CMTM4: variants seen among roughly 807,000 people sequenced by gnomAD.
CMTM4 encodes CKLF like MARVEL transmembrane domain containing 4, also known as CKLF-like MARVEL transmembrane domain-containing protein 4.
CMTM4 carries 8 observed loss-of-function variants against 19.0 expected under a neutral mutation model. That is an observed-to-expected ratio of 0.42 (90% CI 0.25 to 0.76). CMTM4 has a LOEUF of 0.76. Ranked by LOEUF, CMTM4 falls within the 30% of genes least tolerant of loss-of-function variation. The pLI is 0.27. For synonymous variants in CMTM4, 106 were observed against 121.1 expected, an observed-to-expected ratio of 0.88 and a Z score of 0.82; for missense variants, 228 against 290.2, an observed-to-expected ratio of 0.79 and a Z score of 1.56.
At chr16:66,680,056 A>T (rs182063318) in intron 1 of CMTM4, among the ~76,000 whole-genome samples, 2 of 152,336 alleles carry the variant, frequency 1.3e-5, no homozygotes, top group Admixed American at 6.5e-5. Context: ...ACGTTAAATG[A>T]GGTAACACAA....
downstream of CMTM4, chr16:66,610,035 C>T (rs201478383): frequency 1.1e-4 from 182 of 1,610,040 alleles, no homozygotes; most frequent in Non-Finnish European, 1.5e-4. This position sits in a 1 kb window ranked among gnomAD's most constrained non-coding sequence, Gnocchi z 4.6. Context: ...CCCAGCAGTG[C>T]TGCAACAGGG....
chr16:66,623,319 G>A, intron 3 of CMTM4, 85 bp downstream of exon 3: 1 of 909,680 alleles, frequency 1.1e-6, no homozygotes, highest in Non-Finnish European at 1.7e-6. Context: ...CCACAGGAGG[G>A]GGAGCAGGAC....
rs918183664 is a variant in CMTM4 at position 66,669,014 on chromosome 16, T to C, written c.186+27326A>G. 2.6e-5 allele frequency among the ~76,000 whole-genome samples: 4 copies of C among 152,062 alleles called. No individual in the cohort carries two copies. In the South Asian group the frequency reaches 8.3e-4, roughly 32 times the overall value. On this transcript the variant is annotated intron_variant, in intron 1 of 3. Coordinates refer to ENST00000394106, the MANE Select transcript of CMTM4 (RefSeq NM_181521.3). The stretch of plus-strand genomic sequence containing the variant: ...AACCCCAGTGAGATAAAAACCTACA[T>C]TCACAGAAAAAAATGGTATGAATAT...
At chr16:66,605,812 C>G in the CMTM4 span, among the ~76,000 whole-genome samples, 1 of 152,178 alleles carries the variant, frequency 6.6e-6, no homozygotes, top group Non-Finnish European at 1.5e-5. The surrounding 1 kb of genome is among the most constrained non-coding windows in gnomAD (Gnocchi z 4.6). Context: ...AAGGGGGATT[C>G]TGCTCCGGGA....
chr16:66,652,939 C>A (rs895118399), intron 1 of CMTM4, among the ~76,000 whole-genome samples: 1 of 152,116 alleles, frequency 6.6e-6, no homozygotes, highest in Non-Finnish European at 1.5e-5. Context: ...AGTAATGGAG[C>A]AAAAACAAAG....
chr16:66,618,485 G>A lies in CMTM4; in HGVS notation c.*3573C>T. On this transcript the variant is annotated 3_prime_UTR_variant, in exon 4 of 4. Coordinates refer to ENST00000394106, the MANE Select transcript of CMTM4 (RefSeq NM_181521.3). The stretch of plus-strand genomic sequence containing the variant: ...ACCCACAGAAAATCTGGCACAGAAA[G>A]GGATTAGACCTCAGTCCACCTCTCA... 1.0e-6 allele frequency: 1 copy of A among 985,482 alleles called. No individual in the cohort carries two copies. Among genetic ancestry groups the A allele is most frequent in the Non-Finnish European group, 1.2e-6 (1 of 829,958 alleles). The allele number at this position is 985,482 out of a possible 1,614,324, so 61.0% of individuals were successfully genotyped here. A position where few individuals can be genotyped will look rare whatever the true frequency, so the allele number is the denominator to read the frequency against.
Position 66,618,241 on chromosome 16 carries a change from G to T in CMTM4, c.*3817C>A. ...GAATCCACCAGCAGCTCTTGGCCTAGAAACTTTTTCCCCTTTCTGATACCT... is the reference window on the plus strand; with the variant it reads ...GAATCCACCAGCAGCTCTTGGCCTATAAACTTTTTCCCCTTTCTGATACCT... On this transcript the variant is annotated 3_prime_UTR_variant, in exon 4 of 4. Transcript: ENST00000394106. 4.1e-6 allele frequency: 4 copies of T among 985,442 alleles called. No individual in the cohort carries two copies. Among genetic ancestry groups the T allele is most frequent in the Non-Finnish European group, 4.8e-6 (4 of 829,938 alleles). The allele number at this position is 985,442 out of a possible 1,614,324, so 61.0% of individuals were successfully genotyped here. A position where few individuals can be genotyped will look rare whatever the true frequency, so the allele number is the denominator to read the frequency against.
chr16:66,613,024 G>A, downstream of CMTM4: 1 of 702,840 alleles, frequency 1.4e-6, no homozygotes, highest in Non-Finnish European at 2.6e-6. Flanking sequence ...TCACTAACAG[G>A]AACAAAGACA....
intron 2 of CMTM4, among the ~76,000 whole-genome samples, chr16:66,625,021 C>A (rs2015708385): frequency 6.6e-6 from 1 of 152,176 alleles, no homozygotes; most frequent in Admixed American, 6.5e-5. Context: ...AATATACTTC[C>A]CAAAGCAAAG....
Position 66,669,280 on chromosome 16 carries a change from A to G in CMTM4, c.186+27060T>C, listed in dbSNP as rs149379411. Among the ~76,000 whole-genome samples the G allele has an allele frequency of 1.7e-3, 254 of 152,276 alleles. 1 individual carries two copies. Among genetic ancestry groups the G allele is most frequent in the African/African-American group, 5.7e-3 (237 of 41,564 alleles). The stretch of plus-strand genomic sequence containing the variant: ...GACATTCTGGAAATGACAAAACTAT[A>G]CTGATGAGAAACAGATGAGGTTGCC... On this transcript the variant is annotated intron_variant, in intron 1 of 3. Transcript: ENST00000394106.
At chr16:66,648,967 G>C (rs1334243925) in intron 1 of CMTM4, among the ~76,000 whole-genome samples, 1 of 151,968 alleles carries the variant, frequency 6.6e-6, no homozygotes, top group East Asian at 1.9e-4. Flanking sequence ...GCGAGACTCT[G>C]TCAAAAAAAG....
At chr16:66,691,022 C>G (rs2017125057) in intron 1 of CMTM4, among the ~76,000 whole-genome samples, 1 of 152,026 alleles carries the variant, frequency 6.6e-6, no homozygotes, top group Non-Finnish European at 1.5e-5. Flanking sequence ...GAGGCTGAGG[C>G]AGGAGGCTCC....
In CMTM4 at chr16:66,696,269, C is replaced by T; in HGVS notation, c.186+71G>A. 1 of 1,134,456 alleles carries T rather than the reference C, an allele frequency of 8.8e-7. No homozygotes were observed. The highest frequency in any genetic ancestry group is 2.9e-5 in the South Asian group (1 of 34,154). The allele number at this position is 1,134,456 out of a possible 1,614,324, so 70.3% of individuals were successfully genotyped here. On this transcript the variant is annotated intron_variant, in intron 1 of 3. Coordinates refer to ENST00000394106, the MANE Select transcript of CMTM4 (RefSeq NM_181521.3). This position sits in a 1 kb window ranked among gnomAD's most constrained non-coding sequence, Gnocchi z 4.3. Reference sequence around the variant, plus strand: ...GCAAGCGGGTACGCGGCGGAGGCCCCGCAGCGGGGCGGGGAGGGAGGCGTG... The same window carrying T: ...GCAAGCGGGTACGCGGCGGAGGCCCTGCAGCGGGGCGGGGAGGGAGGCGTG...
intron 1 of CMTM4, among the ~76,000 whole-genome samples, chr16:66,657,614 G>C (rs1386318224): frequency 6.6e-6 from 1 of 152,102 alleles, no homozygotes; most frequent in Non-Finnish European, 1.5e-5. Context: ...GGAGAATCTA[G>C]GTCAAAGCAT....
chr16:66,655,553 A>T, intron 1 of CMTM4, among the ~76,000 whole-genome samples: 1 of 149,730 alleles, frequency 6.7e-6, no homozygotes, highest in South Asian at 2.1e-4. Context: ...GTGTTTATTT[A>T]TGTGTGTGTG....
chr16:66,674,465 A>G (rs1019401405), intron 1 of CMTM4, among the ~76,000 whole-genome samples: 11 of 152,174 alleles, frequency 7.2e-5, no homozygotes, highest in Non-Finnish European at 1.2e-4. Context: ...ACTACAGCGG[A>G]AATTCTAACA....
intron 2 of CMTM4, among the ~76,000 whole-genome samples, chr16:66,635,838 T>C (rs1567409720): frequency 6.6e-6 from 1 of 152,192 alleles, no homozygotes; most frequent in South Asian, 2.1e-4. Context: ...ACCAGCCCTG[T>C]GCTTCCCATC....
At chr16:66,636,359 A>G in intron 2 of CMTM4, 46 bp downstream of exon 2, 1 of 1,529,434 alleles carries the variant, frequency 6.5e-7, no homozygotes, top group Non-Finnish European at 9.0e-7. Context: ...CTTGGAGCCA[A>G]CAGGCACGTG....
the CMTM4 span, among the ~76,000 whole-genome samples, chr16:66,602,183 G>A: frequency 6.6e-6 from 1 of 152,230 alleles, no homozygotes; most frequent in Non-Finnish European, 1.5e-5. Context: ...GATTGTTGGA[G>A]GCCAGGAGTT....
Sources: allele counts gnomAD v4.1 joint callset (sites outside exome capture counted in the v4.1 genomes callset), GRCh38; gene constraint gnomAD v4.1.1; non-coding constraint Gnocchi (gnomAD v3.1); transcripts MANE v1.5; gene names NCBI Gene and HGNC (gene_info 2026-07-23, HGNC 2026-07-21).